B3GALT1: variants seen among roughly 807,000 people sequenced by gnomAD.
B3GALT1 encodes the protein UDP-Gal:betaGlcNAc beta 1,3-galactosyltransferase, polypeptide 1.
B3GALT1 carries 10 observed loss-of-function variants against 23.2 expected under a neutral mutation model. That is an observed-to-expected ratio of 0.43 (90% CI 0.27 to 0.73). The LOEUF is 0.73. Among genes scored for constraint, B3GALT1 ranks in the 30% least tolerant of loss-of-function variants. B3GALT1 has a pLI of 0.21. For missense variants in B3GALT1, 299 were observed against 405.4 expected (o/e 0.74, Z 2.25); for synonymous variants, 156 against 141.5 (o/e 1.10, Z -0.73).
intron 2 of B3GALT1, among the ~76,000 whole-genome samples, chr2:167,561,254 C>G (rs1298403360): frequency 6.6e-6 from 1 of 152,002 alleles, no homozygotes; most frequent in Non-Finnish European, 1.5e-5. Context: ...CTTTATGTAC[C>G]AACAAGAACA....
intron 3 of B3GALT1, among the ~76,000 whole-genome samples, chr2:167,696,407 G>T (rs1686793058): frequency 6.6e-6 from 1 of 151,504 alleles, no homozygotes; most frequent in South Asian, 2.1e-4. Context: ...AATTAATGAT[G>T]GTTACTATGG....
chr2:167,365,585 TAC>T (rs10683932), intron 1 of B3GALT1, among the ~76,000 whole-genome samples: 13,146 of 140,156 alleles, frequency 0.094, 665 homozygotes, highest in African/African-American at 0.16. Flanking sequence ...GAGATACAAA[TAC>T]ACACACACAC....
intron 2 of B3GALT1, among the ~76,000 whole-genome samples, chr2:167,605,204 A>G (rs183460929): frequency 2.2e-4 from 34 of 152,356 alleles, no homozygotes; most frequent in Non-Finnish European, 4.0e-4. Flanking sequence ...TTTTTTCCAC[A>G]TCACTGGGGA....
intron 2 of B3GALT1, among the ~76,000 whole-genome samples, chr2:167,509,591 C>G (rs1005378551): frequency 6.6e-6 from 1 of 152,014 alleles, no homozygotes; most frequent in African/African-American, 2.4e-5. Flanking sequence ...TTCTTAAGTC[C>G]TGAAGTAAAT....
intron 1 of B3GALT1, among the ~76,000 whole-genome samples, chr2:167,488,495 A>C (rs958936304): frequency 4.6e-5 from 7 of 152,258 alleles, no homozygotes; most frequent in African/African-American, 1.7e-4. Context: ...TGAAGGAATA[A>C]AGAACTGGTT....
intron 1 of B3GALT1, among the ~76,000 whole-genome samples, chr2:167,443,267 G>T (rs988766531): frequency 1.1e-4 from 17 of 152,048 alleles, no homozygotes; most frequent in East Asian, 3.9e-4. Context: ...ATGCTATTTT[G>T]GTTACTGTAG....
Position 167,395,785 on chromosome 2 carries a change from G to GA in B3GALT1, c.-510-94383dup, listed in dbSNP as rs199813701. On this transcript the variant is annotated intron_variant, in intron 1 of 4. Transcript: ENST00000392690. ...TTCAAGAAGATAATTCATACTTCTT[G>GA]AAAAAAAAATCAAATACAAAAATAA... 3.7e-3 allele frequency among the ~76,000 whole-genome samples: 553 copies of GA among 150,746 alleles called. 9 individuals are homozygous for GA. In the East Asian group the frequency reaches 0.059, roughly 16 times the overall value.
chr2:167,851,429 C>G (rs1689884688), intron 4 of B3GALT1, among the ~76,000 whole-genome samples: 1 of 152,186 alleles, frequency 6.6e-6, no homozygotes, highest in South Asian at 2.1e-4. Context: ...TAAGGCCTGA[C>G]ACCCCAAACT....
At chr2:167,810,112 G>C (rs115945589) in intron 3 of B3GALT1, among the ~76,000 whole-genome samples, 1 of 148,352 alleles carries the variant, frequency 6.7e-6, no homozygotes, top group Non-Finnish European at 1.5e-5. Context: ...CCTGGTGTGC[G>C]GCTTGCTAAG....
At chr2:167,733,662 G>C (rs1345800671) in intron 3 of B3GALT1, among the ~76,000 whole-genome samples, 5 of 152,156 alleles carry the variant, frequency 3.3e-5, no homozygotes, top group Non-Finnish European at 7.4e-5. Context: ...GAGAGGCTCC[G>C]AATGACTTGC....
chr2:167,728,879 C>G (rs574889258), intron 3 of B3GALT1, among the ~76,000 whole-genome samples: 1 of 151,968 alleles, frequency 6.6e-6, no homozygotes, highest in African/African-American at 2.4e-5. Flanking sequence ...AACATTTATT[C>G]CAGAAAGTAT....
chr2:167,743,352 G>A (rs968717551), intron 3 of B3GALT1, among the ~76,000 whole-genome samples: 5 of 152,012 alleles, frequency 3.3e-5, no homozygotes, highest in African/African-American at 9.7e-5. Flanking sequence ...ACCCCCATCA[G>A]CATTGAGCCT....
chr2:167,315,172 T>A (rs990729779), intron 1 of B3GALT1, among the ~76,000 whole-genome samples: 4 of 152,128 alleles, frequency 2.6e-5, no homozygotes, highest in African/African-American at 7.2e-5. Flanking sequence ...AGCCAGAGAA[T>A]AATAAACTGT....
chr2:167,498,052 T>G (rs1021661080), intron 2 of B3GALT1, among the ~76,000 whole-genome samples: 2 of 152,200 alleles, frequency 1.3e-5, no homozygotes, highest in African/African-American at 4.8e-5. Flanking sequence ...GTATGCAACT[T>G]CTGTTCCGTT....
chr2:167,847,173 C>T (rs1203032762), intron 4 of B3GALT1, among the ~76,000 whole-genome samples: 1 of 152,168 alleles, frequency 6.6e-6, no homozygotes, highest in East Asian at 1.9e-4. Flanking sequence ...TTTCAATACT[C>T]CACTGACAGC....
At chr2:167,310,576 A>G (rs1696621142) in intron 1 of B3GALT1, among the ~76,000 whole-genome samples, 1 of 152,060 alleles carries the variant, frequency 6.6e-6, no homozygotes, top group African/African-American at 2.4e-5. Flanking sequence ...ACCTCAGGCA[A>G]TCTGGCTCCT....
rs1438773181 is a variant in B3GALT1 at position 167,439,648 on chromosome 2, C to T, written c.-510-50529C>T. ...ATACATGTGCCATGCTGGTGTGCTG[C>T]TTATTTCTCTACTACTGAAAATTAT... is the stretch of plus-strand genomic sequence containing the variant. On this transcript the variant is annotated intron_variant, in intron 1 of 4. Transcript: ENST00000392690. Among the ~76,000 whole-genome samples, 4 of 152,084 alleles carry T rather than the reference C, an allele frequency of 2.6e-5. No homozygotes were observed. The East Asian group carries it at 7.7e-4, about 29-fold the overall frequency.
At chr2:167,697,074 G>A (rs1686801551) in intron 3 of B3GALT1, among the ~76,000 whole-genome samples, 1 of 152,150 alleles carries the variant, frequency 6.6e-6, no homozygotes, top group South Asian at 2.1e-4. Flanking sequence ...GGCAGATATT[G>A]CCTTGACTGA....
intron 1 of B3GALT1, among the ~76,000 whole-genome samples, chr2:167,313,277 A>C (rs563986698): frequency 7.2e-5 from 11 of 152,268 alleles, no homozygotes; most frequent in African/African-American, 1.9e-4. Flanking sequence ...TTATAGAAGA[A>C]GGCAGAGGGC....
Sources: allele counts gnomAD v4.1 joint callset (sites outside exome capture counted in the v4.1 genomes callset), GRCh38; gene constraint gnomAD v4.1.1; transcripts MANE v1.5; gene names NCBI Gene and HGNC (gene_info 2026-07-23, HGNC 2026-07-21).